CIRSR: variants seen among roughly 807,000 people sequenced by gnomAD.
The protein encoded by CIRSR is corepressor of RBPJ and splicing regulator, also known as CBF1 (RBPJ) interacting corepressor 1.
the CIRSR span, among the ~76,000 whole-genome samples, chr2:174,373,953 C>A: frequency 1.3e-5 from 2 of 152,160 alleles, no homozygotes; most frequent in Admixed American, 6.5e-5. Flanking sequence ...ACTTTCAGAT[C>A]GTGAACGTCA....
At chr2:174,365,037 T>G in the CIRSR span, among the ~76,000 whole-genome samples, 1 of 152,194 alleles carries the variant, frequency 6.6e-6, no homozygotes, top group African/African-American at 2.4e-5. Context: ...TTTTCCAAAC[T>G]TTCATGCTCT....
the CIRSR span, among the ~76,000 whole-genome samples, chr2:174,384,301 G>A: frequency 6.6e-6 from 1 of 152,224 alleles, no homozygotes. Flanking sequence ...CAATTTATAT[G>A]AGGCATTTAG....
At chr2:174,349,369 A>G in the CIRSR span, among the ~76,000 whole-genome samples, 1 of 152,050 alleles carries the variant, frequency 6.6e-6, no homozygotes, top group Non-Finnish European at 1.5e-5. Flanking sequence ...GTTCGAGACC[A>G]GCCTGACCAA....
At chr2:174,375,702 G>A in the CIRSR span, among the ~76,000 whole-genome samples, 1 of 152,080 alleles carries the variant, frequency 6.6e-6, no homozygotes, top group East Asian at 1.9e-4. Flanking sequence ...AAGGTTCGAT[G>A]GGCAAAAAGG....
chr2:174,359,405 A>G, the CIRSR span, among the ~76,000 whole-genome samples: 1 of 152,052 alleles, frequency 6.6e-6, no homozygotes, highest in Non-Finnish European at 1.5e-5. Context: ...TACTGTAGCC[A>G]CTCATTATAT....
chr2:174,364,273 A>G, the CIRSR span, among the ~76,000 whole-genome samples: 1 of 152,216 alleles, frequency 6.6e-6, no homozygotes, highest in Non-Finnish European at 1.5e-5. Flanking sequence ...CGCTGATACA[A>G]GAGGTGGGTT....
At chr2:174,356,215 C>T in the CIRSR span, among the ~76,000 whole-genome samples, 101 of 152,068 alleles carry the variant, frequency 6.6e-4, no homozygotes, top group East Asian at 0.017. Context: ...CCTGTAGTCC[C>T]GGCACTTTGG....
chr2:174,378,985 C>T, the CIRSR span: 7 of 1,613,964 alleles, frequency 4.3e-6, no homozygotes, highest in Non-Finnish European at 5.9e-6. Context: ...AGGACATTCT[C>T]GATCTGTGTT....
the CIRSR span, among the ~76,000 whole-genome samples, chr2:174,371,854 G>A: frequency 6.6e-6 from 1 of 152,218 alleles, no homozygotes; most frequent in Non-Finnish European, 1.5e-5. Flanking sequence ...CCCCAGGAGT[G>A]TGATTATCCC....
the CIRSR span, chr2:174,348,272 C>A: frequency 1.9e-6 from 1 of 533,744 alleles, no homozygotes; most frequent in Non-Finnish European, 3.0e-6. Flanking sequence ...TTTCCACAGC[C>A]CCAAAATAGC....
At chr2:174,362,948 T>G in the CIRSR span, among the ~76,000 whole-genome samples, 4 of 152,200 alleles carry the variant, frequency 2.6e-5, no homozygotes, top group East Asian at 7.7e-4. Context: ...TTCATGAGTT[T>G]TATTTCCAGA....
the CIRSR span, among the ~76,000 whole-genome samples, chr2:174,355,406 G>A: frequency 7.2e-5 from 11 of 152,304 alleles, no homozygotes; most frequent in Admixed American, 2.0e-4. Flanking sequence ...GCAGATTTGT[G>A]AGGGCTCCTT....
the CIRSR span, chr2:174,381,692 G>A: frequency 1.3e-6 from 2 of 1,562,782 alleles, no homozygotes; most frequent in Non-Finnish European, 1.7e-6. Flanking sequence ...AGAAACGGAA[G>A]AAGATAAGTA....
At chr2:174,373,494 T>G in the CIRSR span, among the ~76,000 whole-genome samples, 2 of 152,140 alleles carry the variant, frequency 1.3e-5, no homozygotes, top group African/African-American at 4.8e-5. Context: ...AAGCCTAAAT[T>G]TTAAGTTTCT....
At chr2:174,348,642 G>T in the CIRSR span, 1 of 1,614,070 alleles carries the variant, frequency 6.2e-7, no homozygotes. Flanking sequence ...CCGTTTCCTT[G>T]TCTCCCTTTG....
the CIRSR span, among the ~76,000 whole-genome samples, chr2:174,389,904 C>T: frequency 1.3e-5 from 2 of 152,228 alleles, no homozygotes; most frequent in East Asian, 1.9e-4. Context: ...AAGGCAAGAA[C>T]TGAGGTTTGG....
At chr2:174,395,508 C>G in the CIRSR span, 1 of 1,575,482 alleles carries the variant, frequency 6.3e-7, no homozygotes, top group South Asian at 1.1e-5. Context: ...TCTGGGAAGG[C>G]GGTCCCTGTG....
chr2:174,348,774 G>C, the CIRSR span: 2 of 1,614,074 alleles, frequency 1.2e-6, no homozygotes, highest in Non-Finnish European at 1.7e-6. Context: ...ATGGGTTCTG[G>C]ACTTTTTGTC....
chr2:174,378,195 T>G, the CIRSR span, among the ~76,000 whole-genome samples: 2 of 152,122 alleles, frequency 1.3e-5, no homozygotes, highest in African/African-American at 4.8e-5. Flanking sequence ...GCTTTAAAAA[T>G]GCAAAAAATC....
Sources: gnomAD v4.1 joint callset for allele counts (sites outside exome capture counted in the v4.1 genomes callset) on GRCh38, gnomAD v4.1.1 for gene constraint, MANE v1.5 for transcripts, NCBI Gene and HGNC (gene_info 2026-07-23, HGNC 2026-07-21) for gene names.